The following CARD8 variants were observed in gnomAD, a reference collection of about 807,000 sequenced individuals.
The protein encoded by CARD8 is caspase recruitment domain-containing protein 8.
Under a neutral mutation model 53.2 loss-of-function variants are expected in CARD8, and 38 were observed. The ratio of observed to expected loss-of-function variants is 0.71; its 90% confidence interval spans 0.55 to 0.94. The LOEUF is 0.94. Ranked by LOEUF, CARD8 falls within the 40% of genes least tolerant of loss-of-function variation. The pLI is 0.00. For synonymous variants in CARD8, 245 were observed against 244.9 expected, an observed-to-expected ratio of 1.00 and a Z score of 0.00; for missense variants, 561 against 655.5, an observed-to-expected ratio of 0.86 and a Z score of 1.57.
rs1341340756 is a variant in CARD8 at position 48,234,393 on chromosome 19, C to G, written c.350+10G>C. Reference sequence around the variant, plus strand: ...GTCCAATAGTTTTCCAACGGAATAGCTTTTCTTACCTGGGAATGTCCCCCC... The same window carrying G: ...GTCCAATAGTTTTCCAACGGAATAGGTTTTCTTACCTGGGAATGTCCCCCC... On this transcript the variant is annotated intron_variant, in intron 6 of 13. Transcript: ENST00000651546. The G allele has an allele frequency of 2.1e-5, 33 of 1,605,346 alleles. No homozygotes were observed. Among genetic ancestry groups the G allele is most frequent in the Non-Finnish European group, 2.6e-5 (31 of 1,176,798 alleles).
chr19:48,203,956 G>C (rs62621203), downstream of CARD8: 2,015 of 300,598 alleles, frequency 6.7e-3, 15 homozygotes, highest in Non-Finnish European at 0.01. Flanking sequence ...TCCCTTTGCT[G>C]AGTGTGAGGG....
chr19:48,218,517 G>C (rs1368367703), intron 12 of CARD8, among the ~76,000 whole-genome samples: 1 of 152,028 alleles, frequency 6.6e-6, no homozygotes, highest in African/African-American at 2.4e-5. Context: ...ACCACACCTG[G>C]CTAATTTTGT....
At position 48,211,691 on chromosome 19, in the gene CARD8, A is replaced by G; in HGVS notation, c.*19T>C. ...GAGAACGCTGGATTCTCTCTTCCAGACTACCTAACTGACTCATTTTACAAA... is the reference window on the plus strand; with the variant it reads ...GAGAACGCTGGATTCTCTCTTCCAGGCTACCTAACTGACTCATTTTACAAA... On this transcript the variant is annotated 3_prime_UTR_variant, in exon 14 of 14. Transcript: ENST00000651546. 6.2e-7 allele frequency: 1 copy of G among 1,607,164 alleles called. No homozygotes were observed.
chr19:48,205,088 G>A (rs189295797), downstream of CARD8, among the ~76,000 whole-genome samples: 1 of 152,292 alleles, frequency 6.6e-6, no homozygotes, highest in Admixed American at 6.5e-5. Context: ...GAGTAATTGG[G>A]TTGTAGGAGG....
chr19:48,223,085 C>T (rs1354430177), intron 10 of CARD8, among the ~76,000 whole-genome samples: 2 of 152,098 alleles, frequency 1.3e-5, no homozygotes, highest in African/African-American at 4.8e-5. Flanking sequence ...AGGCAGATCA[C>T]CTGAGGTCAG....
At chr19:48,222,062 T>C (rs559636832) in intron 10 of CARD8, among the ~76,000 whole-genome samples, 1 of 152,196 alleles carries the variant, frequency 6.6e-6, no homozygotes, top group Non-Finnish European at 1.5e-5. Flanking sequence ...AGAGACATAT[T>C]GATGAAATTT....
chr19:48,253,271 G>C (rs1367484094), intron 1 of CARD8, among the ~76,000 whole-genome samples: 3 of 152,138 alleles, frequency 2.0e-5, no homozygotes, highest in African/African-American at 7.2e-5. Flanking sequence ...TTTTTGTAGA[G>C]ACGGGGTTTC....
intron 6 of CARD8, chr19:48,233,117 T>C (rs1264361976): frequency 2.8e-6 from 1 of 353,604 alleles, no homozygotes; most frequent in Non-Finnish European, 5.5e-6. Context: ...CCCACATCAA[T>C]TGAATCAGAA....
chr19:48,238,595 C>A, intron 4 of CARD8, 63 bp from the exon 5 acceptor site: 1 of 1,472,916 alleles, frequency 6.8e-7, no homozygotes, highest in Non-Finnish European at 9.1e-7. Context: ...GTGGGACAAT[C>A]TCCTCACTGT....
intron 12 of CARD8, among the ~76,000 whole-genome samples, chr19:48,217,046 T>C (rs558016372): frequency 8.4e-4 from 128 of 152,102 alleles, no homozygotes; most frequent in African/African-American, 3.0e-3. Context: ...GCACCCTAGA[T>C]CCCTCGCCTG....
chr19:48,211,721 GCTGT>G lies in CARD8; in HGVS notation c.1599_1602del (p.Arg533SerfsTer96). 1.2e-6 allele frequency: 2 copies of G among 1,613,238 alleles called. No individual in the cohort carries two copies. The highest frequency in any genetic ancestry group is 1.1e-5 in the South Asian group (1 of 90,936). ...CTAACTGACTCATTTTACAAATTCT[GCTGT>G]CTAAGATAGGACACGAGGTAAGGGT... On this transcript the variant is annotated frameshift_variant, in exon 14 of 14. Transcript: ENST00000651546. LOFTEE classifies it high-confidence loss of function.
At chr19:48,235,747 C>G (rs1411743000) in intron 5 of CARD8, among the ~76,000 whole-genome samples, 1 of 152,012 alleles carries the variant, frequency 6.6e-6, no homozygotes, top group African/African-American at 2.4e-5. Flanking sequence ...ACAGTGAACA[C>G]TTCCATCAGC....
Position 48,231,013 on chromosome 19 carries a change from G to A in CARD8, c.543-7C>T. On this transcript the variant is annotated splice_region_variant and splice_polypyrimidine_tract_variant and intron_variant, in intron 8 of 13. Transcript: ENST00000651546. The stretch of plus-strand genomic sequence containing the variant: ...AGCAGTGGGGAACCAAACGCTGAAA[G>A]GAGCCAGAGTGATGTCATGACGGGA... 3 of 1,610,152 alleles carry A rather than the reference G, an allele frequency of 1.9e-6. No homozygotes were observed. The highest frequency in any genetic ancestry group is 2.5e-6 in the Non-Finnish European group (3 of 1,176,500).
chr19:48,225,703 T>C (rs1460016273), intron 10 of CARD8, among the ~76,000 whole-genome samples: 2 of 151,902 alleles, frequency 1.3e-5, no homozygotes, highest in African/African-American at 4.8e-5. Context: ...TGGAACATAA[T>C]GAGTGAGAAG....
chr19:48,232,399 G>C, intron 7 of CARD8, 54 bp downstream of exon 7: 1 of 1,457,932 alleles, frequency 6.9e-7, no homozygotes, highest in Non-Finnish European at 9.3e-7. Flanking sequence ...TAAAATCACA[G>C]AACATTTCCA....
intron 8 of CARD8, among the ~76,000 whole-genome samples, 186 bp from the exon 9 acceptor site, chr19:48,231,192 T>C (rs1218728312): frequency 2.0e-5 from 3 of 152,210 alleles, no homozygotes; most frequent in South Asian, 2.1e-4. Context: ...GCATTCTATA[T>C]ATGTTGAAAT....
intron 13 of CARD8, chr19:48,213,304 C>T (rs1449406902): frequency 6.6e-6 from 1 of 151,970 alleles, no homozygotes; most frequent in Non-Finnish European, 1.5e-5. Context: ...GAGTTCCAAA[C>T]CTGGATTTAT....
At chr19:48,234,358 G>A (rs757426172) in intron 6 of CARD8, 45 bp downstream of exon 6, 1 of 1,567,722 alleles carries the variant, frequency 6.4e-7, no homozygotes, top group East Asian at 2.3e-5. Context: ...CTGTGATATT[G>A]AGACACAGCG....
At chr19:48,221,981 A>G (rs1336445732) in intron 10 of CARD8, 126 bp from the exon 11 acceptor site, 1 of 653,652 alleles carries the variant, frequency 1.5e-6, no homozygotes, top group Admixed American at 3.5e-5. Context: ...ATAAAGATTA[A>G]GGTATTCAAC....
Sources: allele counts gnomAD v4.1 joint callset (sites outside exome capture counted in the v4.1 genomes callset), GRCh38; gene constraint gnomAD v4.1.1; transcripts MANE v1.5; gene names NCBI Gene and HGNC (gene_info 2026-07-23, HGNC 2026-07-21).